Variants in NXPE2 observed in about 807,000 individuals in gnomAD.
NXPE2 encodes the protein NXPE family member 2.
Under a neutral mutation model 34.4 loss-of-function variants are expected in NXPE2, and 34 were observed. That is an observed-to-expected ratio of 0.99 (90% confidence interval 0.75 to 1.31). The LOEUF is 1.31. Ranked by LOEUF, NXPE2 falls within the 40% of genes most tolerant of loss-of-function variation. NXPE2 has a pLI of 0.00. For synonymous variants in NXPE2, 235 were observed against 231.3 expected (o/e 1.02, Z -0.15); for missense variants, 649 against 672.5 (o/e 0.97, Z 0.39).
the NXPE2 span, among the ~76,000 whole-genome samples, chr11:114,545,926 C>T: frequency 2.2e-4 from 34 of 151,988 alleles, 1 homozygote; most frequent in East Asian, 3.5e-3. Flanking sequence ...CTTGACTTTG[C>T]GATCCACCCA....
chr11:114,721,364 T>C, the NXPE2 span, among the ~76,000 whole-genome samples: 1 of 152,118 alleles, frequency 6.6e-6, no homozygotes, highest in African/African-American at 2.4e-5. Flanking sequence ...CTTTAGTGAT[T>C]GAGCAAATCA....
At chr11:114,576,152 A>T in the NXPE2 span, among the ~76,000 whole-genome samples, 1 of 152,148 alleles carries the variant, frequency 6.6e-6, no homozygotes, top group Non-Finnish European at 1.5e-5. Flanking sequence ...AGCCACATAT[A>T]AAAGAATGAA....
the NXPE2 span, among the ~76,000 whole-genome samples, chr11:114,767,329 C>G: frequency 6.6e-6 from 1 of 152,128 alleles, no homozygotes; most frequent in Non-Finnish European, 1.5e-5. Flanking sequence ...GCAAAACTGA[C>G]AGTGGAGCTC....
chr11:114,811,101 C>T, the NXPE2 span, among the ~76,000 whole-genome samples: 7 of 147,576 alleles, frequency 4.7e-5, no homozygotes, highest in Non-Finnish European at 7.4e-5. Flanking sequence ...AACCAAACAC[C>T]GCATGTTCTT....
At chr11:114,550,495 G>T in the NXPE2 span, among the ~76,000 whole-genome samples, 2 of 152,130 alleles carry the variant, frequency 1.3e-5, no homozygotes. Flanking sequence ...TTTTAAATAA[G>T]AAGATTAGGA....
the NXPE2 span, chr11:114,528,047 A>C: frequency 1.7e-6 from 1 of 576,006 alleles, no homozygotes; most frequent in Non-Finnish European, 3.0e-6. Context: ...TATATTGGGT[A>C]TTGTAAATGA....
the NXPE2 span, among the ~76,000 whole-genome samples, chr11:114,614,345 G>A: frequency 4.6e-5 from 7 of 151,770 alleles, no homozygotes; most frequent in African/African-American, 1.7e-4. Flanking sequence ...TGGATAATAA[G>A]TGTTGCCTCT....
the NXPE2 span, among the ~76,000 whole-genome samples, chr11:114,610,234 G>C: frequency 6.6e-6 from 1 of 151,830 alleles, no homozygotes. Flanking sequence ...GTGTTGCCTC[G>C]TGGTTAACCA....
At chr11:114,631,236 C>G in the NXPE2 span, among the ~76,000 whole-genome samples, 1 of 151,410 alleles carries the variant, frequency 6.6e-6, no homozygotes, top group Non-Finnish European at 1.5e-5. Context: ...ATGTTTATTG[C>G]GGCATTATTC....
At chr11:114,654,894 A>C in the NXPE2 span, among the ~76,000 whole-genome samples, 1 of 152,186 alleles carries the variant, frequency 6.6e-6, no homozygotes, top group Non-Finnish European at 1.5e-5. Context: ...AGGAATCGCT[A>C]TACTGTCTTC....
chr11:114,488,512 C>T, the NXPE2 span, among the ~76,000 whole-genome samples: 1 of 152,298 alleles, frequency 6.6e-6, no homozygotes, highest in South Asian at 2.1e-4. Context: ...AACTGTCTCT[C>T]AGACCACAGT....
At chr11:114,522,010 C>G in the NXPE2 span, 1 of 1,613,584 alleles carries the variant, frequency 6.2e-7, no homozygotes. Context: ...GATTTCCAAT[C>G]ACATGATCAG....
At chr11:114,627,322 T>C in the NXPE2 span, among the ~76,000 whole-genome samples, 2 of 152,078 alleles carry the variant, frequency 1.3e-5, no homozygotes, top group African/African-American at 4.8e-5. Flanking sequence ...GCAGATCTCT[T>C]GGCAGAAACT....
At chr11:114,633,250 A>G in the NXPE2 span, among the ~76,000 whole-genome samples, 1 of 134,536 alleles carries the variant, frequency 7.4e-6, no homozygotes, top group African/African-American at 2.8e-5. Flanking sequence ...TATAATATAT[A>G]ATATATAAGA....
chr11:114,774,944 T>A, the NXPE2 span, among the ~76,000 whole-genome samples: 1 of 152,246 alleles, frequency 6.6e-6, no homozygotes, highest in African/African-American at 2.4e-5. Context: ...AATCTTTGCC[T>A]TGATATGCTA....
At chr11:114,501,388 G>A in the NXPE2 span, among the ~76,000 whole-genome samples, 2 of 152,104 alleles carry the variant, frequency 1.3e-5, no homozygotes, top group African/African-American at 4.8e-5. Flanking sequence ...CATTATTTCA[G>A]TGTACAGAAT....
chr11:114,727,895 A>G, the NXPE2 span, among the ~76,000 whole-genome samples: 1 of 151,888 alleles, frequency 6.6e-6, no homozygotes, highest in Non-Finnish European at 1.5e-5. Flanking sequence ...AATTACCACA[A>G]ATTAATGGCT....
rs538201125 is a variant in NXPE2 at position 114,690,410 on chromosome 11, C to T, written c.133-7635C>T. Among the ~76,000 whole-genome samples, 30 of 151,856 alleles carry T rather than the reference C, an allele frequency of 2.0e-4. 1 individual carries two copies. The South Asian group carries it at 6.2e-3, about 31-fold the overall frequency. On this transcript the variant is annotated intron_variant, in intron 2 of 5. Coordinates refer to ENST00000389586, the MANE Select transcript of NXPE2 (RefSeq NM_182495.6). ...CTAGCATTTCTTTTCTTTAAGAATG[C>T]TAAAAATGGAACCTCTGTCTCTTCT...
chr11:114,680,510 T>G (rs961939480), intron 2 of NXPE2, among the ~76,000 whole-genome samples: 4 of 152,078 alleles, frequency 2.6e-5, no homozygotes, highest in Admixed American at 6.6e-5. Context: ...TCCTGGGCCC[T>G]CTCTATAAAT....
Sources: gnomAD v4.1 joint callset for allele counts (sites outside exome capture counted in the v4.1 genomes callset) on GRCh38, gnomAD v4.1.1 for gene constraint, MANE v1.5 for transcripts, NCBI Gene and HGNC (gene_info 2026-07-23, HGNC 2026-07-21) for gene names.